Variants in CNTNAP2 observed in about 807,000 individuals in gnomAD.
CNTNAP2 encodes the protein contactin-associated protein-like 2.
In CNTNAP2, 98 loss-of-function variants were observed where a neutral mutation model predicts 155.2. The observed-to-expected ratio is 0.63, with a 90% CI of 0.54 to 0.75. CNTNAP2 has a LOEUF of 0.75. CNTNAP2 is among the 30% of genes least tolerant of loss of function. The pLI is 0.00. For missense variants in CNTNAP2, 1,727 were observed against 1,688.1 expected, an observed-to-expected ratio of 1.02 and a Z score of -0.40; for synonymous variants, 651 against 631.2, an observed-to-expected ratio of 1.03 and a Z score of -0.47.
At chr7:146,376,421 C>T (rs921571611) in intron 1 of CNTNAP2, among the ~76,000 whole-genome samples, 4 of 152,018 alleles carry the variant, frequency 2.6e-5, no homozygotes, top group African/African-American at 9.7e-5. Context: ...TAATATTTCT[C>T]ATCGAAAGCA....
intron 16 of CNTNAP2, among the ~76,000 whole-genome samples, chr7:148,137,355 G>C (rs1296237194): frequency 6.6e-6 from 1 of 152,180 alleles, no homozygotes; most frequent in African/African-American, 2.4e-5. Context: ...CTTTAAGAAA[G>C]CTTGCTATAT....
In CNTNAP2 at chr7:148,397,583, A is replaced by T. The variant is rs146937014; in HGVS notation, c.3716-11808A>T. The stretch of plus-strand genomic sequence containing the variant: ...TGGTGAAATCCCTGCTACTAAATAC[A>T]CTTTGCTTTTTCTTGTTCCACATTC... On this transcript the variant is annotated intron_variant, in intron 22 of 23. Transcript: ENST00000361727. Among the ~76,000 whole-genome samples, 474 of 152,308 alleles carry T rather than the reference A, an allele frequency of 3.1e-3. 7 individuals are homozygous for T. Among genetic ancestry groups the T allele is most frequent in the Non-Finnish European group, 8.8e-4 (60 of 68,024 alleles).
chr7:146,863,337 T>C (rs1562977806), intron 3 of CNTNAP2, among the ~76,000 whole-genome samples: 1 of 152,144 alleles, frequency 6.6e-6, no homozygotes, highest in Non-Finnish European at 1.5e-5. Flanking sequence ...CCTTATCTGC[T>C]TCAACATAAT....
At chr7:146,202,208 A>G (rs982329211) in intron 1 of CNTNAP2, among the ~76,000 whole-genome samples, 3 of 152,160 alleles carry the variant, frequency 2.0e-5, no homozygotes, top group Non-Finnish European at 2.9e-5. Flanking sequence ...GTATATTTTC[A>G]TGCCACATAG....
chr7:146,277,937 TAAA>T (rs1800189814), intron 1 of CNTNAP2, among the ~76,000 whole-genome samples: 1 of 151,842 alleles, frequency 6.6e-6, no homozygotes, highest in African/African-American at 2.4e-5. Flanking sequence ...AAAAAGAAAA[TAAA>T]AAGAAAACTG....
At chr7:146,610,299 A>G (rs1799115097) in intron 1 of CNTNAP2, among the ~76,000 whole-genome samples, 1 of 152,150 alleles carries the variant, frequency 6.6e-6, no homozygotes, top group Admixed American at 6.5e-5. Context: ...TTGAAACATG[A>G]GCAGCACCCA....
chr7:146,870,002 T>C (rs1795274593), intron 3 of CNTNAP2, among the ~76,000 whole-genome samples: 1 of 152,168 alleles, frequency 6.6e-6, no homozygotes, highest in South Asian at 2.1e-4. Flanking sequence ...TTGCTGAGGA[T>C]TTTTGCATCA....
chr7:147,530,310 G>A (rs573986517), intron 11 of CNTNAP2, among the ~76,000 whole-genome samples: 6 of 151,574 alleles, frequency 4.0e-5, no homozygotes, highest in Admixed American at 1.3e-4. Flanking sequence ...CTTCCAAGTA[G>A]CTGGGACTAT....
intron 1 of CNTNAP2, among the ~76,000 whole-genome samples, chr7:146,230,377 A>G (rs1293398175): frequency 1.3e-5 from 2 of 152,184 alleles, no homozygotes; most frequent in African/African-American, 2.4e-5. Flanking sequence ...GAGAAACCTG[A>G]TATCTTTCTA....
At chr7:147,434,478 GAGAT>G (rs1797518231) in intron 10 of CNTNAP2, among the ~76,000 whole-genome samples, 1 of 152,142 alleles carries the variant, frequency 6.6e-6, no homozygotes, top group Non-Finnish European at 1.5e-5. Flanking sequence ...TGTATATAGA[GAGAT>G]AGAATTGTCT....
rs148378854 is a variant in CNTNAP2, at chr7:147,044,201, C to CAT, written c.550+157_550+158dup. On this transcript the variant is annotated intron_variant, in intron 4 of 23. Coordinates refer to ENST00000361727, the MANE Select transcript of CNTNAP2 (RefSeq NM_014141.6). ...ATATATATGTATCTATGCATAGATA[C>CAT]ATATATATATAATAAAAGGTTGTGT... 0.057 allele frequency: 44,069 copies of CAT among 778,882 alleles called. 2,252 individuals carry two copies. The highest frequency in any genetic ancestry group is 0.25 in the East Asian group (8,559 of 34,868). The allele number at this position is 778,882 out of a possible 1,614,324, so 48.2% of individuals were successfully genotyped here. A position where few individuals can be genotyped will look rare whatever the true frequency, so the allele number is the denominator to read the frequency against.
intron 21 of CNTNAP2, among the ~76,000 whole-genome samples, chr7:148,279,817 A>T (rs1032842270): frequency 1.3e-5 from 2 of 152,246 alleles, no homozygotes; most frequent in Non-Finnish European, 2.9e-5. Flanking sequence ...ACTGATACAC[A>T]AAACAGCTTG....
intron 15 of CNTNAP2, among the ~76,000 whole-genome samples, chr7:148,031,051 G>A (rs539446342): frequency 3.3e-5 from 5 of 152,276 alleles, no homozygotes; most frequent in African/African-American, 4.8e-5. Flanking sequence ...AAGTTTTCAA[G>A]CATGAAGTGA....
At chr7:147,745,571 T>C (rs1797024443) in intron 13 of CNTNAP2, among the ~76,000 whole-genome samples, 3 of 152,242 alleles carry the variant, frequency 2.0e-5, no homozygotes, top group South Asian at 4.1e-4. Flanking sequence ...AATTACACGA[T>C]GTCTTAACAT....
At chr7:146,562,452 G>A (rs911591285) in intron 1 of CNTNAP2, among the ~76,000 whole-genome samples, 2 of 152,002 alleles carry the variant, frequency 1.3e-5, no homozygotes, top group Non-Finnish European at 2.9e-5. Flanking sequence ...TACAGAATGT[G>A]TACTTGATAA....
chr7:146,899,844 A>G (rs1248582662), intron 3 of CNTNAP2, among the ~76,000 whole-genome samples: 2 of 152,184 alleles, frequency 1.3e-5, no homozygotes, highest in Non-Finnish European at 2.9e-5. Flanking sequence ...AAACTGCTCT[A>G]TGTGACAGTG....
At chr7:147,736,692 G>C (rs1465044772) in intron 13 of CNTNAP2, among the ~76,000 whole-genome samples, 4 of 152,098 alleles carry the variant, frequency 2.6e-5, no homozygotes, top group Non-Finnish European at 5.9e-5. Flanking sequence ...TTCACATAGT[G>C]CCATATTTCT....
chr7:146,572,419 A>T (rs10261766), intron 1 of CNTNAP2, among the ~76,000 whole-genome samples: 1 of 151,948 alleles, frequency 6.6e-6, no homozygotes, highest in African/African-American at 2.4e-5. Context: ...TTCTTTGGAT[A>T]AACTATTTAC....
intron 3 of CNTNAP2, among the ~76,000 whole-genome samples, chr7:146,951,781 T>C (rs1797318369): frequency 6.6e-6 from 1 of 152,184 alleles, no homozygotes; most frequent in African/African-American, 2.4e-5. Flanking sequence ...ATACGGGCTC[T>C]TTTTTGTTTC....
Sources: gnomAD v4.1 joint callset for allele counts (sites outside exome capture counted in the v4.1 genomes callset) on GRCh38, gnomAD v4.1.1 for gene constraint, MANE v1.5 for transcripts, NCBI Gene and HGNC (gene_info 2026-07-23, HGNC 2026-07-21) for gene names.